The following UNC13C variants were observed in gnomAD, a reference collection of about 807,000 sequenced individuals.
UNC13C encodes the protein unc-13 homolog C, also known as protein unc-13 homolog C.
UNC13C carries 174 observed loss-of-function variants against 245.4 expected under a neutral mutation model. The observed-to-expected ratio is 0.71, with a 90% CI of 0.63 to 0.80. The LOEUF (loss-of-function observed/expected upper bound fraction) is 0.80, where lower values mean the gene tolerates loss of function less well. Among genes scored for constraint, UNC13C ranks in the 30% least tolerant of loss-of-function variants. The pLI is 0.00. For synonymous variants in UNC13C, 992 were observed against 895.1 expected (o/e 1.11, Z -1.93); for missense variants, 2,829 against 2,602.9 (o/e 1.09, Z -1.89).
chr15:54,559,200 C>G (rs1221414187), intron 29 of UNC13C, among the ~76,000 whole-genome samples: 3 of 151,994 alleles, frequency 2.0e-5, no homozygotes, highest in Non-Finnish European at 4.4e-5. Flanking sequence ...ACTATAAATT[C>G]AAATATAGCT....
rs978034382 is a variant in UNC13C at position 54,174,835 on chromosome 15, G to A, written c.3071+31151G>A. Among the ~76,000 whole-genome samples the A allele has an allele frequency of 3.3e-5, 5 of 152,136 alleles. No individual in the cohort carries two copies. In the East Asian group the frequency reaches 9.6e-4, roughly 29 times the overall value. On this transcript the variant is annotated intron_variant, in intron 4 of 32. Transcript: ENST00000260323. ...TTGGGTCATGTACTGATTAAAGCAG[G>A]TAAGAATGGAGATACTCCTCTTGAT...
At chr15:54,483,949 T>TAC (rs1166191357) in intron 19 of UNC13C, among the ~76,000 whole-genome samples, 5 of 123,668 alleles carry the variant, frequency 4.0e-5, no homozygotes, top group Admixed American at 2.3e-4. Context: ...ACACAGTACA[T>TAC]ACACACACAC....
intron 2 of UNC13C, among the ~76,000 whole-genome samples, chr15:54,024,926 A>T (rs1348875707): frequency 1.7e-5 from 2 of 117,774 alleles, no homozygotes; most frequent in African/African-American, 5.4e-5. Context: ...AAAAATAAAA[A>T]ATAAAAAATA....
chr15:53,976,651 C>T (rs1410127543), upstream of UNC13C: 2 of 151,654 alleles, frequency 1.3e-5, no homozygotes, highest in East Asian at 1.9e-4. Flanking sequence ...TTCCTACATA[C>T]ATGTTTTATA....
chr15:54,046,671 T>C (rs1329480330), intron 2 of UNC13C, among the ~76,000 whole-genome samples: 12 of 152,060 alleles, frequency 7.9e-5, no homozygotes, highest in African/African-American at 2.9e-4. Context: ...TTTATTGTGG[T>C]AAAATATATA....
chr15:54,460,489 T>TA (rs1240446731), intron 19 of UNC13C, among the ~76,000 whole-genome samples: 7 of 152,222 alleles, frequency 4.6e-5, no homozygotes, highest in African/African-American at 1.7e-4. Flanking sequence ...TGTTCTGTTA[T>TA]GAGTGGCTGT....
chr15:54,586,320 T>A (rs1898490051), intron 30 of UNC13C, among the ~76,000 whole-genome samples: 1 of 152,198 alleles, frequency 6.6e-6, no homozygotes, highest in Admixed American at 6.5e-5. Flanking sequence ...AAACAAGAGA[T>A]ATTTATTCCC....
intron 8 of UNC13C, among the ~76,000 whole-genome samples, chr15:54,253,475 A>G (rs1421007484): frequency 6.6e-6 from 1 of 152,248 alleles, no homozygotes; most frequent in African/African-American, 2.4e-5. Flanking sequence ...AGGGAGAACA[A>G]TGAGAAAAGA....
intron 7 of UNC13C, among the ~76,000 whole-genome samples, chr15:54,240,744 C>G (rs546167006): frequency 6.6e-6 from 1 of 152,248 alleles, no homozygotes; most frequent in African/African-American, 2.4e-5. Context: ...AAATTTCCAT[C>G]TAGCTTAGTA....
chr15:54,360,906 G>T (rs1321236617), intron 17 of UNC13C, among the ~76,000 whole-genome samples: 1 of 152,036 alleles, frequency 6.6e-6, no homozygotes, highest in Non-Finnish European at 1.5e-5. Context: ...TTTGACTTTG[G>T]TTGATAATGT....
At chr15:54,318,925 T>C (rs1232027002) in intron 13 of UNC13C, among the ~76,000 whole-genome samples, 3 of 151,922 alleles carry the variant, frequency 2.0e-5, no homozygotes, top group Non-Finnish European at 4.4e-5. Flanking sequence ...TATTTATGCT[T>C]GAAGTAACCA....
Position 54,080,006 on chromosome 15 carries a change from G to GTTTTTTTTTT in UNC13C, c.2984-63006_2984-62997dup, listed in dbSNP as rs3985784. On this transcript the variant is annotated intron_variant, in intron 2 of 32. Coordinates refer to ENST00000260323, the MANE Select transcript of UNC13C (RefSeq NM_001080534.3). ...CCTTCAAGGCCTGGTTTGTCGAGCGGTTTTTTTTTTTTTTTATCATAAAGT... is the reference window on the plus strand; with the variant it reads ...CCTTCAAGGCCTGGTTTGTCGAGCGGTTTTTTTTTTTTTTTTTTTTTTTTTATCATAAAGT... 3.8e-3 allele frequency among the ~76,000 whole-genome samples: 488 copies of GTTTTTTTTTT among 129,618 alleles called. 19 individuals are homozygous for GTTTTTTTTTT. The highest frequency in any genetic ancestry group is 5.2e-3 in the Non-Finnish European group (307 of 59,120). 85.0% of individuals were successfully genotyped at this position (129,618 alleles called of 152,430 possible).
At chr15:54,293,017 T>C (rs1000064019) in intron 10 of UNC13C, among the ~76,000 whole-genome samples, 1 of 151,132 alleles carries the variant, frequency 6.6e-6, no homozygotes, top group East Asian at 1.9e-4. Flanking sequence ...TATATACATA[T>C]ATAATATATG....
chr15:54,237,700 A>G lies in UNC13C; in HGVS notation c.3228+10A>G. The G allele has an allele frequency of 6.3e-7, 1 of 1,597,200 alleles. No individual in the cohort carries two copies. Among genetic ancestry groups the G allele is most frequent in the Non-Finnish European group, 8.6e-7 (1 of 1,168,380 alleles). The stretch of plus-strand genomic sequence containing the variant: ...AAATAATGAGGAACTGGTAAGTACT[A>G]GATATTGCTCATAATATCTAACTAG... On this transcript the variant is annotated intron_variant, in intron 7 of 32. Transcript: ENST00000260323.
chr15:54,442,093 C>T (rs1220920060), intron 19 of UNC13C, among the ~76,000 whole-genome samples: 1 of 151,620 alleles, frequency 6.6e-6, no homozygotes, highest in Non-Finnish European at 1.5e-5. Context: ...TATTCTTTTC[C>T]AAATATAATG....
the UNC13C span, among the ~76,000 whole-genome samples, chr15:53,920,385 C>G: frequency 6.6e-6 from 1 of 152,064 alleles, no homozygotes; most frequent in African/African-American, 2.4e-5. Flanking sequence ...GAAACCCTGT[C>G]TCTACTAAAA....
At chr15:54,362,430 G>A (rs1251147133) in intron 17 of UNC13C, among the ~76,000 whole-genome samples, 1 of 152,148 alleles carries the variant, frequency 6.6e-6, no homozygotes, top group African/African-American at 2.4e-5. Flanking sequence ...GATACTGTAG[G>A]CCCAAGAGAT....
intron 7 of UNC13C, among the ~76,000 whole-genome samples, chr15:54,243,606 A>G (rs575209455): frequency 5.3e-5 from 8 of 151,396 alleles, no homozygotes; most frequent in East Asian, 3.9e-4. Context: ...AGTGTAAAGC[A>G]TTCCTTTTTT....
intron 18 of UNC13C, among the ~76,000 whole-genome samples, chr15:54,396,347 T>A (rs1438076923): frequency 1.3e-5 from 2 of 151,744 alleles, no homozygotes; most frequent in African/African-American, 4.8e-5. Context: ...AATGTAATCA[T>A]AAATTCTCTC....
Sources: allele counts gnomAD v4.1 joint callset (sites outside exome capture counted in the v4.1 genomes callset), GRCh38; gene constraint gnomAD v4.1.1; transcripts MANE v1.5; gene names NCBI Gene and HGNC (gene_info 2026-07-23, HGNC 2026-07-21).